IQGAP2: variants seen among roughly 807,000 people sequenced by gnomAD.
The protein encoded by IQGAP2 is IQ motif containing GTPase activating protein 2.
A neutral mutation model predicts 201.3 loss-of-function variants in IQGAP2; 173 were observed. The ratio of observed to expected loss-of-function variants is 0.86; its 90% CI spans 0.76 to 0.98. The LOEUF (loss-of-function observed/expected upper bound fraction) is 0.98, where lower values mean the gene tolerates loss of function less well. IQGAP2 is among the 50% of genes least tolerant of loss of function. The pLI, the probability that IQGAP2 is intolerant of heterozygous loss-of-function variation, is 0.00. For missense variants in IQGAP2, 1,687 were observed against 1,864.8 expected (o/e 0.90, Z 1.76); for synonymous variants, 675 against 673.9 (o/e 1.00, Z -0.03).
At chr5:76,692,610 G>A (rs1199109957) in intron 30 of IQGAP2, among the ~76,000 whole-genome samples, 1 of 152,158 alleles carries the variant, frequency 6.6e-6, no homozygotes, top group Non-Finnish European at 1.5e-5. Flanking sequence ...TTGCCATAAA[G>A]AACACCTATG....
intron 13 of IQGAP2, chr5:76,623,354 C>T (rs758021549): frequency 5.1e-6 from 6 of 1,168,826 alleles, no homozygotes; most frequent in Non-Finnish European, 7.4e-6. Context: ...GAAGTTTGCT[C>T]TCCTGTGCCG....
chr5:76,705,536 G>A (rs576614870), intron 35 of IQGAP2, among the ~76,000 whole-genome samples: 13 of 152,240 alleles, frequency 8.5e-5, no homozygotes, highest in African/African-American at 2.9e-4. Flanking sequence ...AACTCTATTG[G>A]TTTAATTCTT....
chr5:76,483,414 G>C lies in IQGAP2; in HGVS notation c.146+21745G>C, dbSNP rs1755908921. On this transcript the variant is annotated intron_variant, in intron 2 of 35. Coordinates refer to ENST00000274364, the MANE Select transcript of IQGAP2 (RefSeq NM_006633.5). ...AAAGCATCCATCAAGGAAATACTTG[G>C]AGCAATATTGGCCCAGCAAATTCAG... Among the ~76,000 whole-genome samples the C allele has an allele frequency of 3.3e-5, 5 of 152,290 alleles. No individual in the cohort carries two copies. The South Asian group carries it at 1.0e-3, about 32-fold the overall frequency.
intron 17 of IQGAP2, among the ~76,000 whole-genome samples, chr5:76,651,673 G>A (rs1173232800): frequency 1.3e-5 from 2 of 152,112 alleles, no homozygotes; most frequent in African/African-American, 2.4e-5. Context: ...AGGGGTACAC[G>A]GAACTCATTG....
intron 13 of IQGAP2, among the ~76,000 whole-genome samples, chr5:76,619,451 C>G (rs1383873808): frequency 6.6e-6 from 1 of 151,934 alleles, no homozygotes; most frequent in Non-Finnish European, 1.5e-5. Context: ...TTCCTGGAAC[C>G]TACAAGTATA....
intron 1 of IQGAP2, among the ~76,000 whole-genome samples, chr5:76,415,172 A>G (rs774994628): frequency 2.0e-5 from 3 of 152,244 alleles, no homozygotes; most frequent in Non-Finnish European, 4.4e-5. Context: ...TTACCCTTTG[A>G]AAAAATAAAG....
At chr5:76,665,444 G>A (rs1049467306) in intron 22 of IQGAP2, among the ~76,000 whole-genome samples, 12 of 152,142 alleles carry the variant, frequency 7.9e-5, no homozygotes, top group Non-Finnish European at 2.9e-5. Flanking sequence ...TGATAAAGCA[G>A]GGGTTTTGAA....
chr5:76,499,911 GC>G (rs1193288130), intron 2 of IQGAP2, among the ~76,000 whole-genome samples: 3 of 152,054 alleles, frequency 2.0e-5, no homozygotes, highest in Non-Finnish European at 4.4e-5. Context: ...TTCAAGACCA[GC>G]CTGGGAAGCA....
At chr5:76,438,035 G>GTTTGTT (rs1752812146) in intron 1 of IQGAP2, among the ~76,000 whole-genome samples, 1 of 68,600 alleles carries the variant, frequency 1.5e-5, no homozygotes, top group Non-Finnish European at 2.7e-5. Flanking sequence ...TTTTTTGTTT[G>GTTTGTT]TTTTTTTTTT....
chr5:76,454,168 G>T (rs989289550), intron 1 of IQGAP2, among the ~76,000 whole-genome samples: 1 of 151,938 alleles, frequency 6.6e-6, no homozygotes, highest in Non-Finnish European at 1.5e-5. Context: ...ATTAAGCAGG[G>T]TTCTAGATAC....
chr5:76,644,295 C>CATTTTTTTTTTTTTT (rs1751838696), intron 17 of IQGAP2, among the ~76,000 whole-genome samples: 2 of 47,778 alleles, frequency 4.2e-5, no homozygotes, highest in African/African-American at 1.4e-4. Flanking sequence ...TTTGTAAATC[C>CATTTTTTTTTTTTTT]TTTTTTTTTT....
intron 33 of IQGAP2, among the ~76,000 whole-genome samples, chr5:76,698,522 AATGCCAGGTGT>A (rs1315175612): frequency 6.6e-6 from 1 of 152,212 alleles, no homozygotes; most frequent in African/African-American, 2.4e-5. Context: ...AATATTAGAT[AATGCCAGGTGT>A]TTGCTAATTG....
intron 2 of IQGAP2, among the ~76,000 whole-genome samples, chr5:76,521,596 C>CT: frequency 6.6e-6 from 1 of 152,306 alleles, no homozygotes; most frequent in East Asian, 1.9e-4. Context: ...AAGCTTGATG[C>CT]TTTGTACAAG....
intron 20 of IQGAP2, 36 bp from the exon 21 acceptor site, chr5:76,658,423 T>C (rs1742947879): frequency 1.3e-6 from 2 of 1,493,726 alleles, no homozygotes; most frequent in South Asian, 1.1e-5. Context: ...ATTCCAAGCT[T>C]TCCTAATTAA....
intron 13 of IQGAP2, chr5:76,617,474 G>T: frequency 5.1e-6 from 4 of 777,108 alleles, no homozygotes; most frequent in African/African-American, 1.8e-5. Flanking sequence ...GACCTTTGAA[G>T]CATATTTCTT....
Position 76,521,442 on chromosome 5 carries a change from G to A in IQGAP2, c.147-40954G>A, listed in dbSNP as rs114399121. 3.5e-3 allele frequency among the ~76,000 whole-genome samples: 530 copies of A among 152,290 alleles called. 2 individuals are homozygous for A. Among genetic ancestry groups the A allele is most frequent in the African/African-American group, 0.012 (513 of 41,548 alleles). ...AAGCAGGCAAAATCTAATTTGTAAT[G>A]GATAGAACTAGCTGTCCACTTAAAC... On this transcript the variant is annotated intron_variant, in intron 2 of 35. Coordinates refer to ENST00000274364, the MANE Select transcript of IQGAP2 (RefSeq NM_006633.5).
At chr5:76,509,045 G>A (rs971145736) in intron 2 of IQGAP2, among the ~76,000 whole-genome samples, 7 of 150,484 alleles carry the variant, frequency 4.7e-5, no homozygotes, top group Non-Finnish European at 8.9e-5. Flanking sequence ...GTGTGTGTGT[G>A]TGTGTGTGTG....
chr5:76,408,777 A>G (rs558298980), intron 1 of IQGAP2, among the ~76,000 whole-genome samples: 402 of 150,724 alleles, frequency 2.7e-3, no homozygotes, highest in Non-Finnish European at 4.9e-3. Flanking sequence ...ACCCAACCCA[A>G]TCTCTCTTAT....
intron 2 of IQGAP2, among the ~76,000 whole-genome samples, chr5:76,474,293 C>G (rs1002927548): frequency 2.0e-5 from 3 of 152,066 alleles, no homozygotes; most frequent in African/African-American, 7.2e-5. Context: ...CTCTATAAAT[C>G]ATGTTGAGTA....
Sources: allele counts gnomAD v4.1 joint callset (sites outside exome capture counted in the v4.1 genomes callset), GRCh38; gene constraint gnomAD v4.1.1; transcripts MANE v1.5; gene names NCBI Gene and HGNC (gene_info 2026-07-23, HGNC 2026-07-21).